ZNF385D: variants seen among roughly 807,000 people sequenced by gnomAD.
ZNF385D encodes zinc finger protein 659.
Under a neutral mutation model 35.8 loss-of-function variants are expected in ZNF385D, and 15 were observed. The observed-to-expected ratio is 0.42, with a 90% CI of 0.28 to 0.64. The LOEUF (loss-of-function observed/expected upper bound fraction) is 0.64, where lower values mean the gene tolerates loss of function less well. Ranked by LOEUF, ZNF385D falls within the 30% of genes least tolerant of loss-of-function variation. The probability of loss-of-function intolerance (pLI) is 0.23; values close to 1 mark genes in which losing one functional copy is unlikely to be tolerated. For missense variants in ZNF385D, 474 were observed against 494.6 expected, an observed-to-expected ratio of 0.96 and a Z score of 0.39; for synonymous variants, 212 against 186.8, an observed-to-expected ratio of 1.13 and a Z score of -1.10.
intron 1 of ZNF385D, among the ~76,000 whole-genome samples, chr3:21,670,293 CAT>C (rs1368413033): frequency 6.6e-6 from 1 of 151,548 alleles, no homozygotes; most frequent in Non-Finnish European, 1.5e-5. Context: ...TTTATATTGA[CAT>C]AAATACTTAT....
At chr3:21,973,008 T>A (rs1703361412) in intron 3 of ZNF385D, among the ~76,000 whole-genome samples, 1 of 151,850 alleles carries the variant, frequency 6.6e-6, no homozygotes, top group Admixed American at 6.6e-5. Context: ...AGAACTAATA[T>A]CAATTTTAAT....
intron 1 of ZNF385D, among the ~76,000 whole-genome samples, chr3:21,745,874 A>G (rs2069744695): frequency 6.6e-6 from 1 of 152,232 alleles, no homozygotes; most frequent in African/African-American, 2.4e-5. Context: ...TCTAATGTAT[A>G]TAATGGTTGC....
chr3:22,337,050 G>A (rs1471775428), intron 2 of ZNF385D, among the ~76,000 whole-genome samples: 1 of 150,058 alleles, frequency 6.7e-6, no homozygotes, highest in Non-Finnish European at 1.5e-5. Flanking sequence ...TCATTTACCT[G>A]CTGTCAAAGA....
At chr3:22,113,843 T>G (rs912156700) in intron 3 of ZNF385D, among the ~76,000 whole-genome samples, 1 of 152,106 alleles carries the variant, frequency 6.6e-6, no homozygotes, top group Non-Finnish European at 1.5e-5. Flanking sequence ...AATACATCAA[T>G]AGAGATCATT....
intron 3 of ZNF385D, among the ~76,000 whole-genome samples, chr3:22,025,021 C>A (rs1388480810): frequency 6.6e-6 from 1 of 152,164 alleles, no homozygotes; most frequent in Non-Finnish European, 1.5e-5. Context: ...CACCAGGGGT[C>A]TACTGTTAAA....
chr3:21,586,382 G>A (rs746142194), intron 2 of ZNF385D, among the ~76,000 whole-genome samples: 9 of 152,100 alleles, frequency 5.9e-5, no homozygotes, highest in Non-Finnish European at 1.0e-4. Context: ...AATCCATAAT[G>A]GTATTGCGGT....
intron 2 of ZNF385D, among the ~76,000 whole-genome samples, chr3:22,325,943 C>G (rs1694657580): frequency 6.6e-6 from 1 of 151,562 alleles, no homozygotes; most frequent in Non-Finnish European, 1.5e-5. Context: ...TCATCATTAT[C>G]CATCTCTTTC....
intron 2 of ZNF385D, among the ~76,000 whole-genome samples, chr3:22,311,676 T>G (rs1703558985): frequency 6.6e-6 from 1 of 152,112 alleles, no homozygotes; most frequent in Non-Finnish European, 1.5e-5. Context: ...AAAGCTATGA[T>G]GTAGAGGAGT....
At chr3:21,989,039 C>T (rs1167944065) in intron 3 of ZNF385D, among the ~76,000 whole-genome samples, 1 of 152,090 alleles carries the variant, frequency 6.6e-6, no homozygotes, top group Admixed American at 6.5e-5. Flanking sequence ...ACCCACTGGC[C>T]TGTGCCCACT....
intron 3 of ZNF385D, among the ~76,000 whole-genome samples, chr3:22,166,051 G>T (rs945929192): frequency 7.7e-6 from 1 of 129,204 alleles, no homozygotes; most frequent in African/African-American, 2.5e-5. Flanking sequence ...CCAAGACTTG[G>T]CCCTGATCCT....
chr3:22,169,032 A>T (rs1005343211), exon 3 of ZNF385D: 2 of 985,618 alleles, frequency 2.0e-6, no homozygotes, highest in African/African-American at 3.5e-5. Flanking sequence ...TACACAGGTG[A>T]AATCTGAGGG....
At chr3:21,542,341 C>CT (rs1251704575) in intron 3 of ZNF385D, among the ~76,000 whole-genome samples, 4 of 78,596 alleles carry the variant, frequency 5.1e-5, no homozygotes, top group Non-Finnish European at 9.6e-5. Context: ...TTTTTCTTCT[C>CT]TTTCTTTTTT....
chr3:21,642,022 A>T (rs925628038), intron 2 of ZNF385D, among the ~76,000 whole-genome samples: 5 of 152,122 alleles, frequency 3.3e-5, no homozygotes, highest in African/African-American at 4.8e-5. Context: ...TACAGTAAAG[A>T]AACAGGCAAC....
chr3:22,038,169 C>G (rs139505243), intron 3 of ZNF385D, among the ~76,000 whole-genome samples: 86 of 152,176 alleles, frequency 5.7e-4, no homozygotes, highest in African/African-American at 1.9e-3. Context: ...TGCTGAACTA[C>G]GAAGTGTAGG....
chr3:21,923,264 A>G (rs1352484113), intron 3 of ZNF385D, among the ~76,000 whole-genome samples: 1 of 148,428 alleles, frequency 6.7e-6, no homozygotes, highest in African/African-American at 2.5e-5. Flanking sequence ...ATTCTGCTCC[A>G]CATTATTAAT....
At chr3:22,192,274 G>A (rs1187696696) in intron 2 of ZNF385D, among the ~76,000 whole-genome samples, 2 of 152,244 alleles carry the variant, frequency 1.3e-5, no homozygotes, top group South Asian at 4.1e-4. Context: ...TGTCTGCAAT[G>A]AGTTGCCAAT....
At chr3:22,172,775 T>C (rs1471783299) in intron 2 of ZNF385D, among the ~76,000 whole-genome samples, 1 of 152,192 alleles carries the variant, frequency 6.6e-6, no homozygotes, top group Non-Finnish European at 1.5e-5. Flanking sequence ...TATACTGATA[T>C]AAATATAAAT....
intron 3 of ZNF385D, among the ~76,000 whole-genome samples, chr3:21,845,125 T>C (rs2630800): frequency 0.9 from 136,215 of 151,978 alleles, 61,295 homozygotes; most frequent in African/African-American, 0.96. Flanking sequence ...AATGTCAGAA[T>C]TATGGTTAGT....
chr3:22,349,626 T>C (rs1248958729), intron 2 of ZNF385D, among the ~76,000 whole-genome samples: 1 of 152,174 alleles, frequency 6.6e-6, no homozygotes, highest in Non-Finnish European at 1.5e-5. Context: ...TTACTATTTC[T>C]GGAAATCCTT....
Sources: gnomAD v4.1 joint callset for allele counts (sites outside exome capture counted in the v4.1 genomes callset) on GRCh38, gnomAD v4.1.1 for gene constraint, MANE v1.5 for transcripts, NCBI Gene and HGNC (gene_info 2026-07-23, HGNC 2026-07-21) for gene names.